Variants in GMPR observed in about 807,000 individuals in gnomAD.
GMPR encodes guanosine monophosphate reductase.
In GMPR, 31 loss-of-function variants were observed where a neutral mutation model predicts 38.4. That is an observed-to-expected ratio of 0.81 (90% CI 0.61 to 1.09). The LOEUF is 1.09. Among genes scored for constraint, GMPR ranks in the 50% least tolerant of loss-of-function variants. The pLI is 0.00. For missense variants in GMPR, 468 were observed against 453.7 expected, an observed-to-expected ratio of 1.03 and a Z score of -0.29; for synonymous variants, 162 against 173.3, an observed-to-expected ratio of 0.93 and a Z score of 0.51.
At chr6:16,287,334 A>G (rs552534651) in intron 7 of GMPR, among the ~76,000 whole-genome samples, 31 of 152,346 alleles carry the variant, frequency 2.0e-4, no homozygotes, top group Admixed American at 5.9e-4. Flanking sequence ...TGCCTCACAC[A>G]TGCTCTCTGT....
intron 8 of GMPR, among the ~76,000 whole-genome samples, chr6:16,291,421 G>A (rs1177172785): frequency 1.1e-4 from 16 of 151,730 alleles, no homozygotes; most frequent in African/African-American, 2.4e-4. Flanking sequence ...ATGGGGTTTC[G>A]TCATGTTGGC....
intron 5 of GMPR, among the ~76,000 whole-genome samples, chr6:16,276,420 C>T (rs1401501529): frequency 6.6e-6 from 1 of 152,182 alleles, no homozygotes; most frequent in Admixed American, 6.5e-5. Context: ...ATCCACCCGC[C>T]TTGGCCTCCC....
chr6:16,288,807 G>A (rs1368008743), intron 7 of GMPR, among the ~76,000 whole-genome samples: 2 of 152,214 alleles, frequency 1.3e-5, no homozygotes, highest in Admixed American at 6.5e-5. Context: ...CTCAAGGTTT[G>A]TAAACACACC....
At chr6:16,290,315 A>G in intron 7 of GMPR, 147 bp from the exon 8 acceptor site, 1 of 711,278 alleles carries the variant, frequency 1.4e-6, no homozygotes, top group Non-Finnish European at 2.5e-6. Context: ...TTCCAGGAGG[A>G]GACAGGCGAG....
chr6:16,246,021 T>C (rs1221328057), intron 1 of GMPR, among the ~76,000 whole-genome samples: 2 of 152,152 alleles, frequency 1.3e-5, no homozygotes, highest in African/African-American at 4.8e-5. Context: ...AAATGGAGCC[T>C]GTAGCAGTTA....
chr6:16,263,299 T>C (rs1759123051), intron 4 of GMPR: 3 of 151,914 alleles, frequency 2.0e-5, no homozygotes, highest in South Asian at 4.1e-4. Flanking sequence ...AAATTGAAAG[T>C]GCCATTTTCC....
At position 16,290,535 on chromosome 6, in the gene GMPR, G is replaced by C. The variant is rs747854982; in HGVS notation, c.771G>C (p.Glu257Asp). The C allele has an allele frequency of 6.2e-7, 1 of 1,613,976 alleles. No individual in the cohort carries two copies. Among genetic ancestry groups the C allele is most frequent in the African/African-American group, 1.3e-5 (1 of 74,924 alleles). The change falls in exon 8 of 9, where the codon GAG becomes GAC. Residue 257 changes from glutamate (E) to aspartate (D), a missense_variant. By Grantham distance (45) the Glu-to-Asp change is conservative (BLOSUM62 2). Transcript: ENST00000259727. ...CGGAGTGTGCTGGAGAAGTGTTTGA[G>C]AGGAACGGACGGAAGCTCAAGCTCT... ...GHTECAGEVF[E>D]RNGRKLKLFY...
intron 7 of GMPR, 63 bp downstream of exon 7, chr6:16,285,898 C>G: frequency 2.2e-6 from 3 of 1,352,546 alleles, no homozygotes; most frequent in South Asian, 2.5e-5. Context: ...CTACACCTCT[C>G]CAGCTGGCAA....
Position 16,295,059 on chromosome 6 carries a change from C to G in GMPR, c.911C>G (p.Thr304Ser). Residue 304 changes from threonine (T) to serine (S), a missense_variant, in exon 9 of 9, where the codon ACT becomes AGT. Transcript: ENST00000259727. Reference protein sequence around the residue: ...EVPYKGDVENTILDILGGLRS... With the variant: ...EVPYKGDVENSILDILGGLRS... ...CCTTACAAAGGAGATGTGGAAAACA[C>G]TATCCTGGATATTCTCGGGGGACTG... is the stretch of plus-strand genomic sequence containing the variant. 6.2e-7 allele frequency: 1 copy of G among 1,608,708 alleles called. No individual in the cohort carries two copies. The highest frequency in any genetic ancestry group is 1.1e-5 in the South Asian group (1 of 90,850).
At chr6:16,255,733 T>C (rs1011935205) in intron 4 of GMPR, among the ~76,000 whole-genome samples, 1 of 152,358 alleles carries the variant, frequency 6.6e-6, no homozygotes, top group African/African-American at 2.4e-5. Context: ...TGGCACATAC[T>C]GATTGACCAC....
At chr6:16,241,277 C>T (rs1212159288) in intron 1 of GMPR, among the ~76,000 whole-genome samples, 3 of 152,118 alleles carry the variant, frequency 2.0e-5, no homozygotes, top group Non-Finnish European at 2.9e-5. Flanking sequence ...ATGGGCTTAT[C>T]CTCGTGACAG....
intron 4 of GMPR, among the ~76,000 whole-genome samples, chr6:16,273,748 T>C (rs1382997956): frequency 6.6e-6 from 1 of 151,960 alleles, no homozygotes; most frequent in Non-Finnish European, 1.5e-5. Flanking sequence ...TGCCCAACAC[T>C]AAAGATATTA....
At chr6:16,270,905 G>T (rs1759371376) in intron 4 of GMPR, among the ~76,000 whole-genome samples, 1 of 152,196 alleles carries the variant, frequency 6.6e-6, no homozygotes, top group Non-Finnish European at 1.5e-5. Context: ...AGCTGACTTT[G>T]GCCAGTTGAG....
At chr6:16,257,558 G>A (rs558158177) in intron 4 of GMPR, among the ~76,000 whole-genome samples, 13 of 151,940 alleles carry the variant, frequency 8.6e-5, no homozygotes, top group Admixed American at 5.9e-4. Flanking sequence ...TGGTTGTATC[G>A]CTGTTAAACT....
intron 4 of GMPR, among the ~76,000 whole-genome samples, chr6:16,265,055 T>C (rs1319325684): frequency 6.6e-6 from 1 of 152,148 alleles, no homozygotes; most frequent in Non-Finnish European, 1.5e-5. Flanking sequence ...AAGAGAATAA[T>C]GTGTTCTCGG....
chr6:16,288,612 C>T (rs990541097), intron 7 of GMPR, among the ~76,000 whole-genome samples: 9 of 152,344 alleles, frequency 5.9e-5, no homozygotes, highest in Admixed American at 2.0e-4. Context: ...CCCCCAGTCC[C>T]GTCAACCATG....
At chr6:16,272,325 A>G (rs1049228565) in intron 4 of GMPR, among the ~76,000 whole-genome samples, 1 of 152,248 alleles carries the variant, frequency 6.6e-6, no homozygotes, top group African/African-American at 2.4e-5. Flanking sequence ...ACTGTTACAG[A>G]TAATACATCT....
intron 1 of GMPR, among the ~76,000 whole-genome samples, chr6:16,242,615 C>A (rs1758672265): frequency 6.6e-6 from 1 of 151,974 alleles, no homozygotes; most frequent in Non-Finnish European, 1.5e-5. Flanking sequence ...CATCTGTGTC[C>A]AAATTTCTCC....
chr6:16,238,638 C>G lies in GMPR; in HGVS notation c.-56C>G, dbSNP rs1039559627. 3.6e-5 allele frequency: 27 copies of G among 756,942 alleles called. No individual in the cohort carries two copies. Among genetic ancestry groups the G allele is most frequent in the East Asian group, 8.1e-5 (1 of 12,310 alleles). 46.9% of individuals were successfully genotyped at this position (756,942 alleles called of 1,614,324 possible). On this transcript the variant is annotated 5_prime_UTR_variant, in exon 1 of 9. Coordinates refer to ENST00000259727, the MANE Select transcript of GMPR (RefSeq NM_006877.4). ...AGCCCCGGCGCTCCCCGCGCCGCCC[C>G]GCGCAGGCGCCCCCGCCCCGCCGTC...
Sources: gnomAD v4.1 joint callset for allele counts (sites outside exome capture counted in the v4.1 genomes callset) on GRCh38, gnomAD v4.1.1 for gene constraint, MANE v1.5 for transcripts, NCBI Gene and HGNC (gene_info 2026-07-23, HGNC 2026-07-21) for gene names.